The following SH3BP4 variants were observed in gnomAD, a reference collection of about 807,000 sequenced individuals.
SH3BP4 encodes the protein SH3 domain binding protein 4.
A neutral mutation model predicts 65.5 loss-of-function variants in SH3BP4; 33 were observed. The observed-to-expected ratio is 0.50, with a 90% CI of 0.38 to 0.67. The LOEUF (loss-of-function observed/expected upper bound fraction) is 0.67. Among genes scored for constraint, SH3BP4 ranks in the 30% least tolerant of loss-of-function variants. The probability of loss-of-function intolerance (pLI) is 0.00; values close to 1 mark genes in which losing one functional copy is unlikely to be tolerated. For missense variants in SH3BP4, 1,134 were observed against 1,261.4 expected (o/e 0.90, Z 1.53); for synonymous variants, 552 against 545.5 (o/e 1.01, Z -0.17).
Position 235,041,438 on chromosome 2 carries a change from A to G in SH3BP4, c.669A>G (p.Thr223=), listed in dbSNP as rs754322643. The change falls in exon 4 of 6, where the codon ACA becomes ACG. Residue 223 remains threonine (T), a synonymous_variant. Transcript: ENST00000392011. This position sits in a 1 kb window ranked among gnomAD's most constrained non-coding sequence, Gnocchi z 6.0. ...TGNIFDELPV[T]NGLHAEPPVR... The stretch of plus-strand genomic sequence containing the variant: ...ACATCTTCGATGAGCTTCCAGTCAC[A>G]AACGGACTCCACGCAGAGCCGCCGG... The G allele has an allele frequency of 4.3e-6, 7 of 1,614,066 alleles. No homozygotes were observed. In the Admixed American group the frequency reaches 8.3e-5, roughly 19 times the overall value.
chr2:234,962,872 C>T (rs1173369059), intron 1 of SH3BP4, among the ~76,000 whole-genome samples: 1 of 151,922 alleles, frequency 6.6e-6, no homozygotes, highest in South Asian at 2.1e-4. Flanking sequence ...ATTACAGGCA[C>T]TTGCCTGTAA....
At chr2:235,027,005 C>G (rs970040131) in intron 2 of SH3BP4, among the ~76,000 whole-genome samples, 1 of 152,192 alleles carries the variant, frequency 6.6e-6, no homozygotes, top group African/African-American at 2.4e-5. Context: ...AGACAGTGCT[C>G]CAGGAGCATT....
At chr2:235,005,762 A>G (rs1694273531) in intron 2 of SH3BP4, among the ~76,000 whole-genome samples, 1 of 152,218 alleles carries the variant, frequency 6.6e-6, no homozygotes, top group South Asian at 2.1e-4. Flanking sequence ...TTTCACACAC[A>G]TCTTACAAAA....
intron 2 of SH3BP4, among the ~76,000 whole-genome samples, chr2:235,024,428 C>T (rs1202940458): frequency 6.6e-6 from 1 of 152,198 alleles, no homozygotes; most frequent in Non-Finnish European, 1.5e-5. Context: ...GTGGCATCCT[C>T]ATGGCTGCTT....
At chr2:234,981,011 C>T (rs755362351) in intron 1 of SH3BP4, among the ~76,000 whole-genome samples, 33 of 152,182 alleles carry the variant, frequency 2.2e-4, no homozygotes, top group Non-Finnish European at 4.6e-4. Flanking sequence ...AGCCTTGTGC[C>T]ACCATGCCTG....
intron 1 of SH3BP4, among the ~76,000 whole-genome samples, chr2:234,964,489 G>A (rs960845938): frequency 1.3e-5 from 2 of 151,236 alleles, no homozygotes; most frequent in African/African-American, 4.9e-5. Context: ...GGGAGAAGGG[G>A]CATTCAAGTG....
intron 2 of SH3BP4, among the ~76,000 whole-genome samples, chr2:235,000,534 A>T (rs1406588499): frequency 6.6e-6 from 1 of 152,172 alleles, no homozygotes; most frequent in African/African-American, 2.4e-5. Flanking sequence ...GCTTAGCCAG[A>T]AGGGGAAGCC....
chr2:234,986,816 T>A (rs1041094737), intron 1 of SH3BP4, among the ~76,000 whole-genome samples: 160 of 152,178 alleles, frequency 1.1e-3, no homozygotes, highest in Non-Finnish European at 1.9e-3. Flanking sequence ...TTTATTTTTT[T>A]TTTTTTTGAT....
At chr2:234,993,295 A>C (rs768544833) in intron 1 of SH3BP4, among the ~76,000 whole-genome samples, 1 of 152,206 alleles carries the variant, frequency 6.6e-6, no homozygotes, top group African/African-American at 2.4e-5. Context: ...CTGGCCCAGT[A>C]GTAACTGCAG....
chr2:235,011,502 T>C (rs1453887906), intron 2 of SH3BP4, among the ~76,000 whole-genome samples: 1 of 152,238 alleles, frequency 6.6e-6, no homozygotes, highest in African/African-American at 2.4e-5. Context: ...GAGTTAGGAC[T>C]TGAACACATC....
At chr2:234,989,788 T>G (rs577556631) in intron 1 of SH3BP4, among the ~76,000 whole-genome samples, 4 of 152,228 alleles carry the variant, frequency 2.6e-5, no homozygotes, top group Non-Finnish European at 4.4e-5. Context: ...AGAAAGACGT[T>G]CTTTGTTCAT....
intron 1 of SH3BP4, among the ~76,000 whole-genome samples, chr2:234,968,027 A>C (rs1034307482): frequency 2.0e-5 from 3 of 152,086 alleles, no homozygotes; most frequent in Middle Eastern, 3.4e-3. Context: ...TGCTCAGGTG[A>C]GGGCGACCAC....
chr2:234,963,561 T>C (rs1319111751), intron 1 of SH3BP4, among the ~76,000 whole-genome samples: 3 of 152,216 alleles, frequency 2.0e-5, no homozygotes, highest in African/African-American at 4.8e-5. Context: ...AACAGAGTAA[T>C]GTTGATGCCT....
Position 234,978,605 on chromosome 2 carries a change from A to C in SH3BP4, c.-206-16698A>C, listed in dbSNP as rs933604290. The C allele has an allele frequency of 4.6e-5, 7 of 152,188 alleles. No homozygotes were observed. The highest frequency in any genetic ancestry group is 1.7e-4 in the African/African-American group (7 of 41,424). The allele number at this position is 152,188 out of a possible 1,614,324, so 9.4% of individuals were successfully genotyped here. A position where few individuals can be genotyped will look rare whatever the true frequency, so the allele number is the denominator to read the frequency against. On this transcript the variant is annotated intron_variant, in intron 1 of 5. Transcript: ENST00000392011. The surrounding 1 kb of genome is among the most constrained non-coding windows in gnomAD (Gnocchi z 4.1). Reference sequence around the variant, plus strand: ...CTTTTGTCCGGGTGACATTGGCATGATTGAATCAGTGCCAGAGCCAAACAG... The same window carrying C: ...CTTTTGTCCGGGTGACATTGGCATGCTTGAATCAGTGCCAGAGCCAAACAG...
In SH3BP4 at chr2:235,034,907, CGT is replaced by C; in HGVS notation, c.-93_-92del. 4 of 1,018,266 alleles carry C rather than the reference CGT, an allele frequency of 3.9e-6. No individual in the cohort carries two copies. The highest frequency in any genetic ancestry group is 6.0e-6 in the Non-Finnish European group (4 of 662,618). 63.1% of individuals were successfully genotyped at this position (1,018,266 alleles called of 1,614,324 possible). ...TTGCCGAGTGGATGCCGCCGCGCAG[CGT>C]GTTTGCTTGAGGCAGAAGCTTCAGC... On this transcript the variant is annotated 5_prime_UTR_variant, in exon 3 of 6. It removes the in-frame stop codon of an upstream open reading frame in the 5' UTR. Transcript: ENST00000392011. The surrounding 1 kb of genome is among the most constrained non-coding windows in gnomAD (Gnocchi z 6.2).
Position 235,055,372 on chromosome 2 carries a change from A to G in SH3BP4, c.*1556A>G, listed in dbSNP as rs1057089281. 6.5e-6 allele frequency: 1 copy of G among 152,674 alleles called. No homozygotes were observed. Among genetic ancestry groups the G allele is most frequent in the Non-Finnish European group, 1.5e-5 (1 of 68,046 alleles). The allele number at this position is 152,674 out of a possible 1,614,324, so 9.5% of individuals were successfully genotyped here. The stretch of plus-strand genomic sequence containing the variant: ...TACTGAAGACCAACGGACTGAAAAA[A>G]AGAACAAACATTAGCTATTTTATGC... On this transcript the variant is annotated 3_prime_UTR_variant, in exon 6 of 6. Coordinates refer to ENST00000392011, the MANE Select transcript of SH3BP4 (RefSeq NM_014521.3).
chr2:235,008,169 T>C (rs928759882), intron 2 of SH3BP4, among the ~76,000 whole-genome samples: 1 of 152,046 alleles, frequency 6.6e-6, no homozygotes, highest in African/African-American at 2.4e-5. Flanking sequence ...CGGAGAGGTG[T>C]GGCACAGCTT....
intron 3 of SH3BP4, among the ~76,000 whole-genome samples, chr2:235,039,120 G>A (rs539421727): frequency 2.0e-5 from 3 of 152,198 alleles, no homozygotes; most frequent in Admixed American, 6.5e-5. Context: ...GGCTCCACTC[G>A]AGTCTGGGTT....
At chr2:234,962,480 C>T (rs1692737249) in intron 1 of SH3BP4, among the ~76,000 whole-genome samples, 1 of 152,062 alleles carries the variant, frequency 6.6e-6, no homozygotes, top group African/African-American at 2.4e-5. Flanking sequence ...ACCTTTTCTG[C>T]TTATGTATTT....
Sources: gnomAD v4.1 joint callset for allele counts (sites outside exome capture counted in the v4.1 genomes callset) on GRCh38, gnomAD v4.1.1 for gene constraint, Gnocchi (gnomAD v3.1) non-coding constraint, MANE v1.5 for transcripts, NCBI Gene and HGNC (gene_info 2026-07-23, HGNC 2026-07-21) for gene names.